ACADVL: variants seen among roughly 807,000 people sequenced by gnomAD.
ACADVL encodes the protein acyl-CoA dehydrogenase very long chain.
A neutral mutation model predicts 80.4 loss-of-function variants in ACADVL; 73 were observed. The observed-to-expected ratio is 0.91, with a 90% CI of 0.75 to 1.10. The LOEUF is 1.10. Ranked by LOEUF, ACADVL falls within the 50% of genes least tolerant of loss-of-function variation. The pLI is 0.00. For synonymous variants in ACADVL, 392 were observed against 326.5 expected (o/e 1.20, Z -2.16); for missense variants, 878 against 858.9 (o/e 1.02, Z -0.28).
rs1487767890 is a variant in ACADVL at position 7,222,788 on chromosome 17, A to G, written c.1000A>G (p.Met334Val). ...GGTTGGGAGTGGCTTCAAGGTTGCCATGCACATCCTCAACAATGGAAGGTT... is the reference window on the plus strand; with the variant it reads ...GGTTGGGAGTGGCTTCAAGGTTGCCGTGCACATCCTCAACAATGGAAGGTT... ...GEVGSGFKVA[M>V]HILNNGRFGM... The change falls in exon 10 of 20, where the codon ATG becomes GTG. Residue 334 changes from methionine to valine, a missense_variant. Physicochemically the swap from Met to Val is conservative, Grantham distance 21. Coordinates refer to ENST00000356839, the MANE Select transcript of ACADVL (RefSeq NM_000018.4). 1 of 1,613,914 alleles carries G rather than the reference A, an allele frequency of 6.2e-7. No homozygotes were observed. Among genetic ancestry groups the G allele is most frequent in the Non-Finnish European group, 8.5e-7 (1 of 1,180,024 alleles).
At chr17:7,218,122 T>TG (rs773831815), upstream of ACADVL, 35 of 921,144 alleles carry the variant, frequency 3.8e-5, no homozygotes, top group Non-Finnish European at 5.6e-5. Context: ...CCTGGGCCAC[T>TG]GACTCAGGCT....
At chr17:7,220,425 A>G in intron 2 of ACADVL, 39 bp from the exon 3 acceptor site, 3 of 1,612,792 alleles carry the variant, frequency 1.9e-6, no homozygotes, top group Non-Finnish European at 2.5e-6. Flanking sequence ...ACACAGCGGA[A>G]GTCCCTTCCC....
upstream of ACADVL, chr17:7,219,896 A>G: frequency 7.5e-7 from 1 of 1,332,128 alleles, no homozygotes; most frequent in Non-Finnish European, 1.0e-6. Context: ...GTGGACGATG[A>G]GTCAGGGTTA....
Position 7,223,406 on chromosome 17 carries a change from AT to A in ACADVL, c.1182+170del, listed in dbSNP as rs746772373. 80 of 816,848 alleles carry A rather than the reference AT, an allele frequency of 9.8e-5. No individual in the cohort carries two copies. The South Asian group carries it at 1.2e-3, about 12-fold the overall frequency. 50.6% of individuals were successfully genotyped at this position (816,848 alleles called of 1,614,324 possible). On this transcript the variant is annotated intron_variant, in intron 11 of 19. Coordinates refer to ENST00000356839, the MANE Select transcript of ACADVL (RefSeq NM_000018.4). The stretch of plus-strand genomic sequence containing the variant: ...TCAGCTTCTGCGAAGAGAGACAGCA[AT>A]GATGTTCTGCTCAGGTGCCTGCCAG...
In ACADVL at chr17:7,220,129, C is replaced by T. The variant is rs1276666051; in HGVS notation, c.70C>T (p.Leu24Phe). 6.4e-7 allele frequency: 1 copy of T among 1,564,284 alleles called. No individual in the cohort carries two copies. Among genetic ancestry groups the T allele is most frequent in the Non-Finnish European group, 8.6e-7 (1 of 1,162,834 alleles). ...LLRLGGGSSRLTALLGQPRPG... is the reference protein window; with the variant it reads ...LLRLGGGSSRFTALLGQPRPG... ...AACCCCCACTCCCCACAGCTCGCGG[C>T]TCACGGCGCTCCTGGGGCAGCCCCG... The change falls in exon 2 of 20, where the codon CTC (leucine) becomes TTC (phenylalanine). Residue 24 changes from leucine to phenylalanine, a missense_variant. Physicochemically the swap from Leu to Phe is conservative, Grantham distance 22. Transcript: ENST00000356839.
intron 16 of ACADVL, 40 bp downstream of exon 16, chr17:7,224,433 T>C (rs370009642): frequency 6.2e-7 from 1 of 1,613,614 alleles, no homozygotes; most frequent in African/African-American, 1.3e-5. Context: ...CATCAGGGAC[T>C]GCAGCCGATG....
chr17:7,218,754 T>C (rs1207460531), upstream of ACADVL: 2 of 1,594,602 alleles, frequency 1.3e-6, no homozygotes, highest in African/African-American at 2.7e-5. Context: ...CGGAAAGATT[T>C]GGGGAGAAGG....
rs183840688 is a variant in ACADVL at position 7,223,428 on chromosome 17, G to A, written c.1182+191G>A. 40 of 803,164 alleles carry A rather than the reference G, an allele frequency of 5.0e-5. No homozygotes were observed. In the Admixed American group the frequency reaches 6.4e-4, roughly 13 times the overall value. 49.8% of individuals were successfully genotyped at this position (803,164 alleles called of 1,614,324 possible). On this transcript the variant is annotated intron_variant, in intron 11 of 19. Transcript: ENST00000356839. ...GCAATGATGTTCTGCTCAGGTGCCT[G>A]CCAGCAGTACCAGAAGTTAATTCTA... is the stretch of plus-strand genomic sequence containing the variant.
chr17:7,220,415 A>C (rs759548707), intron 2 of ACADVL, 49 bp from the exon 3 acceptor site: 16 of 1,611,744 alleles, frequency 9.9e-6, no homozygotes, highest in Non-Finnish European at 1.4e-5. Context: ...TCTCCCCTTG[A>C]CACAGCGGAA....
intron 2 of ACADVL, 105 bp downstream of exon 2, chr17:7,220,302 T>G: frequency 6.7e-7 from 1 of 1,502,490 alleles, no homozygotes; most frequent in Non-Finnish European, 9.0e-7. Flanking sequence ...TGCCTACTGC[T>G]CAGTCGCCGA....
chr17:7,218,447 G>A, upstream of ACADVL: 1 of 1,417,512 alleles, frequency 7.1e-7, no homozygotes, highest in South Asian at 1.2e-5. Context: ...TGGTGCTCCA[G>A]CTTGGACCAA....
chr17:7,219,821 G>C, upstream of ACADVL: 1 of 1,532,556 alleles, frequency 6.5e-7, no homozygotes, highest in South Asian at 1.2e-5. Context: ...CGCAGGGCCG[G>C]GCTCCAGGGA....
At chr17:7,221,336 A>C in intron 6 of ACADVL, 7 of 982,758 alleles carry the variant, frequency 7.1e-6, no homozygotes, top group Non-Finnish European at 1.1e-5. Flanking sequence ...CCTCCTACCT[A>C]GACCTAAGAC....
chr17:7,222,498 A>G, intron 9 of ACADVL, 169 bp from the exon 10 acceptor site: 1 of 1,138,622 alleles, frequency 8.8e-7, no homozygotes, highest in Non-Finnish European at 1.2e-6. Context: ...AAAATAGGAC[A>G]TAGCCAGGCC....
chr17:7,224,615 C>T, intron 17 of ACADVL, 27 bp from the exon 18 acceptor site: 1 of 1,283,710 alleles, frequency 7.8e-7, no homozygotes, highest in East Asian at 3.7e-5. Flanking sequence ...TGCCCCCACC[C>T]CCACCCCCAC....
Position 7,224,790 on chromosome 17 carries a change from A to G in ACADVL, c.1752-19A>G, listed in dbSNP as rs762107727. On this transcript the variant is annotated intron_variant, in intron 18 of 19. Coordinates refer to ENST00000356839, the MANE Select transcript of ACADVL (RefSeq NM_000018.4). Reference sequence around the variant, plus strand: ...TCCCAGCCGGCCCAGATTTATTTTCATCTCCTGCTTCCTGCCAGGGCCTCA... The same window carrying G: ...TCCCAGCCGGCCCAGATTTATTTTCGTCTCCTGCTTCCTGCCAGGGCCTCA... 2 of 1,613,500 alleles carry G rather than the reference A, an allele frequency of 1.2e-6. No homozygotes were observed. Among genetic ancestry groups the G allele is most frequent in the African/African-American group, 2.7e-5 (2 of 74,776 alleles).
At chr17:7,218,123 G>A, upstream of ACADVL, 2 of 935,600 alleles carry the variant, frequency 2.1e-6, no homozygotes, top group Non-Finnish European at 3.2e-6. Context: ...CTGGGCCACT[G>A]ACTCAGGCTT....
chr17:7,223,968 G>A lies in ACADVL; in HGVS notation c.1333G>A (p.Glu445Lys), dbSNP rs759552738. The change falls in exon 14 of 20, where the codon GAA (glutamate) becomes AAA (lysine). Residue 445 changes from glutamate (E) to lysine (K), a missense_variant and splice_region_variant. Coordinates refer to ENST00000356839, the MANE Select transcript of ACADVL (RefSeq NM_000018.4). ...QIMGGMGFMK[E>K]PGVERVLRDL... ...TATAATTTGTGTGGCCCTGTGCTAG[G>A]AACCTGGAGTAGAGCGTGTGCTCCG... is the stretch of plus-strand genomic sequence containing the variant. 6.2e-7 allele frequency: 1 copy of A among 1,614,046 alleles called. No individual in the cohort carries two copies. The highest frequency in any genetic ancestry group is 1.1e-5 in the South Asian group (1 of 91,070).
At chr17:7,224,928 A>G in intron 19 of ACADVL, 29 bp from the exon 20 acceptor site, 1 of 1,614,032 alleles carries the variant, frequency 6.2e-7, no homozygotes, top group South Asian at 1.1e-5. Flanking sequence ...CTGGAGGTGC[A>G]GGCCCAACCC....
Sources: gnomAD v4.1 joint callset for allele counts on GRCh38, gnomAD v4.1.1 for gene constraint, MANE v1.5 for transcripts, NCBI Gene and HGNC (gene_info 2026-07-23, HGNC 2026-07-21) for gene names.